UGT1A4: variants seen among roughly 807,000 people sequenced by gnomAD.
UGT1A4 encodes UDP-glucuronosyltransferase 1A4.
UGT1A4 carries 32 observed loss-of-function variants against 41.1 expected under a neutral mutation model. That is an observed-to-expected ratio of 0.78 (90% CI 0.59 to 1.05). The LOEUF is 1.05. UGT1A4 is among the 50% of genes least tolerant of loss of function. UGT1A4 has a pLI of 0.00. For missense variants in UGT1A4, 748 were observed against 677.4 expected (o/e 1.10, Z -1.16); for synonymous variants, 283 against 265.1 (o/e 1.07, Z -0.66).
rs62625011 is a variant in UGT1A4 at position 233,767,092 on chromosome 2, G to A, written c.926G>A (p.Gly309Glu). The A allele has an allele frequency of 2.5e-6, 4 of 1,614,070 alleles. No individual in the cohort carries two copies. In the Admixed American group the frequency reaches 5.0e-5, roughly 20 times the overall value. The change falls in exon 2 of 5, where the codon GGA becomes GAA. Residue 309 changes from glycine to glutamate, a missense_variant. Coordinates refer to ENST00000373409, the MANE Select transcript of UGT1A4 (RefSeq NM_007120.3). ...CATGGAATTGTGGTTTTCTCTTTGG[G>A]ATCAATGGTCTCAGAAATTCCAGAG... ...GEHGIVVFSL[G>E]SMVSEIPEKK...
chr2:233,752,969 A>G (rs553949581), intron 1 of UGT1A4, among the ~76,000 whole-genome samples: 2 of 152,310 alleles, frequency 1.3e-5, no homozygotes, highest in Non-Finnish European at 2.9e-5. Context: ...TATGTAACCA[A>G]TTGTGTAGAT....
intron 1 of UGT1A4, among the ~76,000 whole-genome samples, 177 bp from the exon 2 acceptor site, chr2:233,766,857 A>C (rs1004098004): frequency 1.3e-5 from 2 of 152,224 alleles, no homozygotes; most frequent in Non-Finnish European, 2.9e-5. Flanking sequence ...CTTTAGAAGG[A>C]AGTAAAGGAG....
chr2:233,743,673 G>A, intron 1 of UGT1A4: 1 of 1,367,190 alleles, frequency 7.3e-7, no homozygotes, highest in South Asian at 1.1e-5. Flanking sequence ...TCCTCGAAGG[G>A]CCTGCCGCCT....
rs147555582 is a variant in UGT1A4, at chr2:233,719,200, G to C, written c.380G>C (p.Cys127Ser). Reference protein sequence around the residue: ...MNNVSLALHRCCVELLHNEAL... With the variant: ...MNNVSLALHRSCVELLHNEAL... ...AATGTATCTTTGGCCCTTCATAGGT[G>C]TTGTGTGGAGCTACTGCATAATGAG... is the stretch of plus-strand genomic sequence containing the variant. Residue 127 changes from cysteine to serine, a missense_variant, in exon 1 of 5, where the codon TGT becomes TCT. By Grantham distance (112) the Cys-to-Ser change is moderately radical (BLOSUM62 -1). Coordinates refer to ENST00000373409, the MANE Select transcript of UGT1A4 (RefSeq NM_007120.3). 146 of 1,614,136 alleles carry C rather than the reference G, an allele frequency of 9.0e-5. 3 individuals carry two copies. The highest frequency in any genetic ancestry group is 3.3e-4 in the Middle Eastern group (2 of 6,062).
At chr2:233,756,092 A>T (rs1575740943) in intron 1 of UGT1A4, 1 of 152,228 alleles carries the variant, frequency 6.6e-6, no homozygotes, top group Admixed American at 6.5e-5. Flanking sequence ...ATCAAGTAAC[A>T]TTATTACGGA....
Position 233,769,629 on chromosome 2 carries a change from CAG to C in UGT1A4, c.1307+1191_1307+1192del, listed in dbSNP as rs1699910145. On this transcript the variant is annotated intron_variant, in intron 4 of 4. Transcript: ENST00000373409. The surrounding 1 kb of genome is among the most constrained non-coding windows in gnomAD (Gnocchi z 4.4). ...ACACACCAGCTTGAGCAAGGGACAA[CAG>C]GGGAGGACTGATGACTGACTTCCCA... 1.2e-6 allele frequency: 2 copies of C among 1,611,730 alleles called. No homozygotes were observed.
At chr2:233,737,647 C>T (rs1413488043) in intron 1 of UGT1A4, among the ~76,000 whole-genome samples, 1 of 152,204 alleles carries the variant, frequency 6.6e-6, no homozygotes, top group African/African-American at 2.4e-5. Flanking sequence ...GTCGATCATG[C>T]TGGGAGCTGC....
At chr2:233,743,729 T>C (rs767611267) in intron 1 of UGT1A4, 12 of 1,367,246 alleles carry the variant, frequency 8.8e-6, no homozygotes, top group South Asian at 2.3e-5. Flanking sequence ...GTCATAGATA[T>C]CGCGTTTCTT....
At chr2:233,763,534 C>T (rs545430015) in intron 1 of UGT1A4, among the ~76,000 whole-genome samples, 5 of 152,184 alleles carry the variant, frequency 3.3e-5, no homozygotes, top group Admixed American at 1.3e-4. Context: ...CTCCTTTTTC[C>T]GGATTTCTAC....
At chr2:233,739,371 G>C (rs1691070576) in intron 1 of UGT1A4, among the ~76,000 whole-genome samples, 1 of 152,184 alleles carries the variant, frequency 6.6e-6, no homozygotes. Flanking sequence ...AGCTTGCACT[G>C]TGTGCCTGGA....
rs879478240 is a variant in UGT1A4 at position 233,725,179 on chromosome 2, GAGAGGC to G, written c.867+5528_867+5533del. Among the ~76,000 whole-genome samples the G allele has an allele frequency of 4.9e-3, 330 of 67,596 alleles. 71 individuals are homozygous for G. The highest frequency in any genetic ancestry group is 0.014 in the Middle Eastern group (2 of 144). 44.3% of individuals were successfully genotyped at this position (67,596 alleles called of 152,430 possible). On this transcript the variant is annotated intron_variant, in intron 1 of 4. Transcript: ENST00000373409. Reference sequence around the variant, plus strand: ...CTCTGCATGAGAGGGAGACCGTGGGGAGAGGCAGAGGCAGAGGCAGAGGCAGAGGCA... The same window carrying G: ...CTCTGCATGAGAGGGAGACCGTGGGGAGAGGCAGAGGCAGAGGCAGAGGCA...
In UGT1A4 at chr2:233,739,470, C is replaced by T. The variant is rs188701117; in HGVS notation, c.867+19783C>T. On this transcript the variant is annotated intron_variant, in intron 1 of 4. Transcript: ENST00000373409. ...CCACAGGGTTGGAGCTGCCTGAGAC[C>T]GTGGGAGCCCATTTCTGGCATCACC... 1.6e-3 allele frequency among the ~76,000 whole-genome samples: 240 copies of T among 152,268 alleles called. 1 individual carries two copies. The highest frequency in any genetic ancestry group is 4.9e-3 in the African/African-American group (205 of 41,548).
At chr2:233,760,186 C>G (rs1697340087) in intron 1 of UGT1A4, 1 of 1,558,442 alleles carries the variant, frequency 6.4e-7, no homozygotes, top group Admixed American at 1.8e-5. Flanking sequence ...TTTTTATAGT[C>G]ACGTGACACA....
rs772532709 is a variant in UGT1A4, at chr2:233,719,373, A to G, written c.553A>G (p.Thr185Ala). ...TCCATGTGACTTAGACTTTAAGGGC[A>G]CACAGTGTCCAAATCCTTCCTCCTA... ...YIPCDLDFKG[T>A]QCPNPSSYIP... is the part of the protein sequence containing the mutation. Residue 185 changes from threonine (T) to alanine (A), a missense_variant, in exon 1 of 5, where the codon ACA (threonine) becomes GCA (alanine). By Grantham distance (58) the Thr-to-Ala change is moderately conservative. Coordinates refer to ENST00000373409, the MANE Select transcript of UGT1A4 (RefSeq NM_007120.3). The G allele has an allele frequency of 2.5e-6, 4 of 1,613,970 alleles. No individual in the cohort carries two copies.
chr2:233,730,543 T>G (rs1559376026), intron 1 of UGT1A4, among the ~76,000 whole-genome samples: 2 of 152,132 alleles, frequency 1.3e-5, no homozygotes, highest in African/African-American at 2.4e-5. Flanking sequence ...GGGATGGATG[T>G]CTGTGATTAG....
intron 1 of UGT1A4, among the ~76,000 whole-genome samples, chr2:233,765,157 C>T (rs1698767071): frequency 6.6e-6 from 1 of 152,114 alleles, no homozygotes; most frequent in African/African-American, 2.4e-5. Context: ...CTAGGGAACC[C>T]CTCAGTTTGG....
Position 233,768,374 on chromosome 2 carries a change from G to T in UGT1A4, c.1242G>T (p.Leu414=). Residue 414 remains leucine, a synonymous_variant, in exon 4 of 5, where the codon CTG becomes CTT. Transcript: ENST00000373409. ...AGACTAAGGGAGCTGGAGTGACCCT[G>T]AATGTTCTGGAAATGACTTCTGAAG... ...RMETKGAGVT[L]NVLEMTSEDL... 3 of 1,614,148 alleles carry T rather than the reference G, an allele frequency of 1.9e-6. No individual in the cohort carries two copies. The highest frequency in any genetic ancestry group is 2.5e-6 in the Non-Finnish European group (3 of 1,180,028).
chr2:233,725,083 A>C (rs2077363375), intron 1 of UGT1A4, among the ~76,000 whole-genome samples: 1 of 145,276 alleles, frequency 6.9e-6, no homozygotes, highest in African/African-American at 2.6e-5. Flanking sequence ...GGCACTCGGC[A>C]GGCTGAGGCA....
chr2:233,729,284 C>T, intron 1 of UGT1A4: 1 of 1,614,206 alleles, frequency 6.2e-7, no homozygotes, highest in Non-Finnish European at 8.5e-7. Flanking sequence ...GAGCTCCATG[C>T]CAGAGGCCAC....
Sources: gnomAD v4.1 joint callset for allele counts (sites outside exome capture counted in the v4.1 genomes callset) on GRCh38, gnomAD v4.1.1 for gene constraint, Gnocchi (gnomAD v3.1) non-coding constraint, MANE v1.5 for transcripts, NCBI Gene and HGNC (gene_info 2026-07-23, HGNC 2026-07-21) for gene names.